The following HELLS variants were observed in gnomAD, a reference collection of about 807,000 sequenced individuals.
The protein encoded by HELLS is lymphoid-specific helicase.
Under a neutral mutation model 120.0 loss-of-function variants are expected in HELLS, and 32 were observed. The observed-to-expected ratio is 0.27, with a 90% confidence interval of 0.20 to 0.36. The LOEUF (loss-of-function observed/expected upper bound fraction) is 0.36, where lower values mean the gene tolerates loss of function less well. HELLS is among the 10% of genes least tolerant of loss of function. The probability of loss-of-function intolerance (pLI) is 1.00; values close to 1 mark genes in which losing one functional copy is unlikely to be tolerated. For missense variants in HELLS, 650 were observed against 993.4 expected (o/e 0.65, Z 4.65); for synonymous variants, 341 against 323.4 (o/e 1.05, Z -0.58).
chr10:94,580,162 T>TAC (rs34963898), intron 10 of HELLS, among the ~76,000 whole-genome samples: 523 of 47,438 alleles, frequency 0.011, 5 homozygotes, highest in Middle Eastern at 0.026. Flanking sequence ...TATATATATA[T>TAC]ACACACACAC....
At chr10:94,592,155 T>C in intron 15 of HELLS, 74 bp from the exon 16 acceptor site, 2 of 1,173,492 alleles carry the variant, frequency 1.7e-6, no homozygotes, top group Non-Finnish European at 2.4e-6. Context: ...AATTGAACTT[T>C]CCAAATGGCT....
Position 94,586,003 on chromosome 10 carries a change from A to G in HELLS, c.1327-2226A>G, listed in dbSNP as rs941702401. On this transcript the variant is annotated intron_variant, in intron 12 of 21. Coordinates refer to ENST00000348459, the MANE Select transcript of HELLS (RefSeq NM_018063.5). ...CGGTATAGTGTGCCTCTTCTTCCAC[A>G]TATTTGCCATTTCAGTTAACATCAA... 2.6e-5 allele frequency among the ~76,000 whole-genome samples: 4 copies of G among 152,128 alleles called. No individual in the cohort carries two copies. The South Asian group carries it at 8.3e-4, about 32-fold the overall frequency.
chr10:94,602,720 T>A (rs567564118), downstream of HELLS, among the ~76,000 whole-genome samples: 1 of 152,364 alleles, frequency 6.6e-6, no homozygotes, highest in East Asian at 1.9e-4. Flanking sequence ...TTAATCGTTT[T>A]GAGGTACAGG....
At chr10:94,575,584 G>A (rs1844403609) in intron 9 of HELLS, among the ~76,000 whole-genome samples, 1 of 151,962 alleles carries the variant, frequency 6.6e-6, no homozygotes, top group East Asian at 1.9e-4. Flanking sequence ...CACAAGGCCA[G>A]GCTAATTTTT....
intron 21 of HELLS, 57 bp downstream of exon 21, chr10:94,597,168 A>T: frequency 1.0e-6 from 1 of 976,486 alleles, no homozygotes; most frequent in Admixed American, 2.0e-5. Context: ...AATTAGCATA[A>T]TGTAATGAAC....
intron 21 of HELLS, among the ~76,000 whole-genome samples, chr10:94,600,292 T>TAAA (rs34515684): frequency 1.4e-5 from 2 of 139,878 alleles, no homozygotes; most frequent in Non-Finnish European, 1.5e-5. Flanking sequence ...CTCTGTCTCT[T>TAAA]AAAAAAAAAA....
chr10:94,573,453 A>ATTT (rs1844279406), intron 7 of HELLS, among the ~76,000 whole-genome samples: 1 of 149,778 alleles, frequency 6.7e-6, no homozygotes, highest in Non-Finnish European at 1.5e-5. Context: ...TCAGATTTTT[A>ATTT]TATTTTATTT....
At chr10:94,563,277 G>C (rs1221375811) in intron 6 of HELLS, among the ~76,000 whole-genome samples, 1 of 151,956 alleles carries the variant, frequency 6.6e-6, no homozygotes, top group Non-Finnish European at 1.5e-5. Context: ...TGTATTTTCA[G>C]TAGAGATGGG....
chr10:94,546,526 T>G, intron 2 of HELLS, 28 bp downstream of exon 2: 1 of 1,613,394 alleles, frequency 6.2e-7, no homozygotes, highest in South Asian at 1.1e-5. Flanking sequence ...TTCGTCGTCG[T>G]GAAAGCCTGT....
intron 17 of HELLS, among the ~76,000 whole-genome samples, chr10:94,592,722 T>G (rs1432908739): frequency 1.3e-5 from 2 of 151,714 alleles, no homozygotes; most frequent in East Asian, 3.9e-4. Flanking sequence ...TGGCACAATC[T>G]TATTAATAAT....
chr10:94,613,534 T>C (rs1454120370), exon 10 of HELLS: 3 of 152,236 alleles, frequency 2.0e-5, no homozygotes, highest in African/African-American at 7.2e-5. Flanking sequence ...ATATAATTTT[T>C]TCCCTAAATG....
intron 10 of HELLS, among the ~76,000 whole-genome samples, chr10:94,580,131 AT>A (rs1844760964): frequency 2.8e-5 from 1 of 35,202 alleles, no homozygotes; most frequent in Non-Finnish European, 4.9e-5. Flanking sequence ...ATATATATAT[AT>A]ATATATATAT....
intron 12 of HELLS, among the ~76,000 whole-genome samples, chr10:94,586,420 C>T (rs889717899): frequency 1.2e-4 from 18 of 152,128 alleles, no homozygotes; most frequent in African/African-American, 3.9e-4. Context: ...CGCGCCCGGC[C>T]GGACATGTTT....
At chr10:94,606,384 C>T (rs930077958), downstream of HELLS, among the ~76,000 whole-genome samples, 2 of 151,718 alleles carry the variant, frequency 1.3e-5, no homozygotes, top group African/African-American at 4.8e-5. Context: ...TTGCTGTTGT[C>T]CAGGTTGGAG....
intron 13 of HELLS, 144 bp downstream of exon 13, chr10:94,588,534 G>A: frequency 2.0e-6 from 1 of 498,566 alleles, no homozygotes; most frequent in Non-Finnish European, 3.4e-6. Flanking sequence ...GCCTTTACCT[G>A]CCTGGCTAAA....
Position 94,593,538 on chromosome 10 carries a change from T to G in HELLS, c.2011T>G (p.Leu671Val). 6.2e-7 allele frequency: 1 copy of G among 1,613,806 alleles called. No homozygotes were observed. Among genetic ancestry groups the G allele is most frequent in the Non-Finnish European group, 8.5e-7 (1 of 1,179,656 alleles). The part of the protein sequence containing the change: ...FNTDPEVFIF[L>V]VSTRAGGLGI... The stretch of plus-strand genomic sequence containing the variant: ...CACGGATCCAGAGGTGTTTATCTTC[T>G]TAGTGAGTACACGAGCTGGTGGCCT... The change falls in exon 18 of 22, where the codon TTA (leucine) becomes GTA (valine). Residue 671 changes from leucine to valine, a missense_variant. This residue lies in a region of HELLS where 191 missense variants were observed against 259.7 expected (regional missense o/e 0.74). Coordinates refer to ENST00000348459, the MANE Select transcript of HELLS (RefSeq NM_018063.5).
chr10:94,552,192 G>A (rs1843012991), intron 2 of HELLS, among the ~76,000 whole-genome samples: 1 of 152,180 alleles, frequency 6.6e-6, no homozygotes, highest in South Asian at 2.1e-4. Flanking sequence ...AATTGGTTTA[G>A]TTGAGAAAAC....
downstream of HELLS, among the ~76,000 whole-genome samples, chr10:94,602,606 A>T (rs917730101): frequency 2.0e-5 from 3 of 152,204 alleles, no homozygotes; most frequent in African/African-American, 7.2e-5. Context: ...ATTCAAATGC[A>T]GATCAGATGA....
At chr10:94,590,617 A>G (rs1300326211) in intron 14 of HELLS, 21 bp from the exon 15 acceptor site, 3 of 1,607,238 alleles carry the variant, frequency 1.9e-6, no homozygotes, top group Non-Finnish European at 2.5e-6. Context: ...TTTCCCATAT[A>G]TGCATTATTT....
Sources: allele counts gnomAD v4.1 joint callset (sites outside exome capture counted in the v4.1 genomes callset), GRCh38; gene constraint gnomAD v4.1.1; regional missense constraint gnomAD v4.1.1; transcripts MANE v1.5; gene names NCBI Gene and HGNC (gene_info 2026-07-23, HGNC 2026-07-21).